PNN: variants seen among roughly 807,000 people sequenced by gnomAD.
The protein encoded by PNN is pinin.
Under a neutral mutation model 76.6 loss-of-function variants are expected in PNN, and 38 were observed. The ratio of observed to expected loss-of-function variants is 0.50; its 90% confidence interval spans 0.38 to 0.65. The LOEUF is 0.65. Ranked by LOEUF, PNN falls within the 30% of genes least tolerant of loss-of-function variation. The pLI, the probability that PNN is intolerant of heterozygous loss-of-function variation, is 0.00. For synonymous variants in PNN, 366 were observed against 283.7 expected (o/e 1.29, Z -2.91); for missense variants, 873 against 874.1 (o/e 1.00, Z 0.02).
chr14:39,178,818 ACCTCCG>A (rs2053249217), intron 6 of PNN, among the ~76,000 whole-genome samples: 1 of 151,616 alleles, frequency 6.6e-6, no homozygotes, highest in Non-Finnish European at 1.5e-5. Context: ...GCTCACTGCA[ACCTCCG>A]CCTCTGGGGT....
rs563918235 is a variant in PNN at position 39,180,657 on chromosome 14, G to T, written c.948G>T (p.Glu316Asp). 6.8e-6 allele frequency: 11 copies of T among 1,612,734 alleles called. No homozygotes were observed. The East Asian group carries it at 2.2e-4, about 33-fold the overall frequency. Residue 316 changes from glutamate (E) to aspartate (D), a missense_variant, in exon 9 of 9, where the codon GAG becomes GAT. Coordinates refer to ENST00000216832, the MANE Select transcript of PNN (RefSeq NM_002687.4). ...EQEEGKVAQR[E>D]EELEETGNQH... is the part of the protein sequence containing the mutation. ...AAGAGGGTAAGGTGGCTCAGCGAGA[G>T]GAAGAGTTGGAGGAGACAGGTAATC...
At chr14:39,175,741 G>A in intron 1 of PNN, 1 of 463,464 alleles carries the variant, frequency 2.2e-6, no homozygotes, top group South Asian at 2.4e-5. Context: ...CCCGTTGCTG[G>A]CCCCGAGACC....
rs1594556063 is a variant in PNN at position 39,179,541 on chromosome 14, A to G, written c.793+79A>G. The stretch of plus-strand genomic sequence containing the variant: ...TCATATGCACACGTTTGTTTTCTAA[A>G]ATAATTATGATTCAGTGATTGGTTT... On this transcript the variant is annotated intron_variant, in intron 8 of 8. Coordinates refer to ENST00000216832, the MANE Select transcript of PNN (RefSeq NM_002687.4). 8 of 1,191,116 alleles carry G rather than the reference A, an allele frequency of 6.7e-6. No homozygotes were observed. The East Asian group carries it at 1.7e-4, about 25-fold the overall frequency. The allele number at this position is 1,191,116 out of a possible 1,614,324, so 73.8% of individuals were successfully genotyped here.
rs759419035 is a variant in PNN at position 39,179,163 on chromosome 14, G to T, written c.571G>T (p.Glu191Ter). Residue 191 changes from glutamate to a stop codon, truncating the protein, a stop_gained, in exon 7 of 9, where the codon GAA (glutamate) becomes TAA (stop). Coordinates refer to ENST00000216832, the MANE Select transcript of PNN (RefSeq NM_002687.4). LOFTEE classifies it high-confidence loss of function. ...AGAAGAGAGAAAGCAGGTTGAAAAT[G>T]AAAGGAGAGAACTGTTTGAAGAGAG... ...AEEERKQVEN[E>*]RRELFEERRA... The T allele has an allele frequency of 6.2e-7, 1 of 1,614,058 alleles. No individual in the cohort carries two copies. The highest frequency in any genetic ancestry group is 1.1e-5 in the South Asian group (1 of 91,026).
Position 39,181,413 on chromosome 14 carries a change from TAAAAC to T in PNN, c.1707_1711del (p.Thr570GlnfsTer3), listed in dbSNP as rs2053269026. On this transcript the variant is annotated frameshift_variant, in exon 9 of 9. Coordinates refer to ENST00000216832, the MANE Select transcript of PNN (RefSeq NM_002687.4). LOFTEE classifies it high-confidence loss of function. ...GCAGAAGTAGAGGTCGAGCTAGAAA[TAAAAC>T]AAGCAAGAGTAGAAGTCGAAGCAGT... The T allele has an allele frequency of 2.5e-6, 4 of 1,613,898 alleles. No individual in the cohort carries two copies. Among genetic ancestry groups the T allele is most frequent in the Non-Finnish European group, 2.5e-6 (3 of 1,180,014 alleles).
intron 1 of PNN, 103 bp from the exon 2 acceptor site, chr14:39,175,975 C>T: frequency 6.0e-6 from 4 of 671,650 alleles, no homozygotes; most frequent in East Asian, 2.7e-5. Flanking sequence ...CTTTTTGGAA[C>T]TTTTGTGATT....
Position 39,180,525 on chromosome 14 carries a change from C to A in PNN, c.816C>A (p.Ile272=). The A allele has an allele frequency of 1.3e-6, 2 of 1,588,368 alleles. No individual in the cohort carries two copies. The highest frequency in any genetic ancestry group is 1.7e-6 in the Non-Finnish European group (2 of 1,170,120). The change falls in exon 9 of 9, where the codon ATC becomes ATA. Residue 272 remains isoleucine (I), a synonymous_variant. Coordinates refer to ENST00000216832, the MANE Select transcript of PNN (RefSeq NM_002687.4). ...TAGCTTTATTTGAAGGTAGACGCAT[C>A]GAATTTGCAGAACAAATAAATAAAA... ...KMNALFEGRR[I]EFAEQINKME...
rs762567964 is a variant in PNN, at chr14:39,181,904, A to G, written c.*41A>G. 1 of 1,516,318 alleles carries G rather than the reference A, an allele frequency of 6.6e-7. No homozygotes were observed. The highest frequency in any genetic ancestry group is 8.8e-7 in the Non-Finnish European group (1 of 1,140,706). The allele number at this position is 1,516,318 out of a possible 1,614,324, so 93.9% of individuals were successfully genotyped here. On this transcript the variant is annotated 3_prime_UTR_variant, in exon 9 of 9. Transcript: ENST00000216832. ...TTTCTTAGCCATTCTTTGCAGCAGA[A>G]GATTTCTTGATAAAAAAGGATTACC...
At chr14:39,177,984 T>TA (rs1357392155) in intron 6 of PNN, 68 bp downstream of exon 6, 9 of 974,774 alleles carry the variant, frequency 9.2e-6, no homozygotes, top group East Asian at 2.4e-5. Context: ...ATGTTTTTTT[T>TA]AAAAAATCCT....
intron 1 of PNN, chr14:39,175,649 C>A (rs781558176): frequency 1.9e-6 from 1 of 518,198 alleles, no homozygotes; most frequent in South Asian, 2.3e-5. Context: ...TGTGAGAAGA[C>A]CCGGACTGCT....
rs573326052 is a variant in PNN, at chr14:39,176,741, TTGAC to T, written c.254+150_254+153del. The T allele has an allele frequency of 8.4e-4, 532 of 634,054 alleles. 4 individuals carry two copies. Among genetic ancestry groups the T allele is most frequent in the African/African-American group, 7.9e-3 (423 of 53,480 alleles). The allele number at this position is 634,054 out of a possible 1,614,324, so 39.3% of individuals were successfully genotyped here. A position where few individuals can be genotyped will look rare whatever the true frequency, so the allele number is the denominator to read the frequency against. On this transcript the variant is annotated intron_variant, in intron 3 of 8. Transcript: ENST00000216832. ...TGCCCCCCCCAAGTTCTGTTGGTATTTGACTGAACAGTTGACTATCAGTTCCCTC... is the reference window on the plus strand; with the variant it reads ...TGCCCCCCCCAAGTTCTGTTGGTATTTGAACAGTTGACTATCAGTTCCCTC...
intron 6 of PNN, among the ~76,000 whole-genome samples, chr14:39,178,740 AAAAAAAT>A (rs1281010509): frequency 2.0e-5 from 3 of 150,870 alleles, no homozygotes; most frequent in Admixed American, 6.6e-5. Context: ...AAAAAAAAAA[AAAAAAAT>A]TTTTTTTGAG....
Position 39,183,019 on chromosome 14 carries a change from A to C in PNN, c.*1156A>C, listed in dbSNP as rs1329560005. ...AGCACTTAAATTGCATCCTTCTTTG[A>C]GTTTAACACTGTAGCTTTAGCCTTG... On this transcript the variant is annotated 3_prime_UTR_variant, in exon 9 of 9. Transcript: ENST00000216832. The C allele has an allele frequency of 6.6e-6, 1 of 152,594 alleles. No homozygotes were observed. The highest frequency in any genetic ancestry group is 2.4e-5 in the African/African-American group (1 of 41,430). 9.5% of individuals were successfully genotyped at this position (152,594 alleles called of 1,614,324 possible). A position where few individuals can be genotyped will look rare whatever the true frequency, so the allele number is the denominator to read the frequency against.
At chr14:39,180,428 G>C in intron 8 of PNN, 75 bp from the exon 9 acceptor site, 1 of 1,420,388 alleles carries the variant, frequency 7.0e-7, no homozygotes, top group Non-Finnish European at 9.3e-7. Flanking sequence ...ATGACAATTT[G>C]TGACCAGTTA....
chr14:39,181,650 A>G lies in PNN; in HGVS notation c.1941A>G (p.Arg647=). 1 of 1,614,092 alleles carries G rather than the reference A, an allele frequency of 6.2e-7. No individual in the cohort carries two copies. Among genetic ancestry groups the G allele is most frequent in the Non-Finnish European group, 8.5e-7 (1 of 1,179,976 alleles). The part of the protein sequence containing the change: ...GRGHNRDRKH[R]RSVDRKRRDT... Reference sequence around the variant, plus strand: ...GACATAATAGAGATAGAAAGCACAGAAGGAGCGTGGATCGGAAGAGAAGGG... The same window carrying G: ...GACATAATAGAGATAGAAAGCACAGGAGGAGCGTGGATCGGAAGAGAAGGG... The change falls in exon 9 of 9, where the codon AGA becomes AGG. Residue 647 remains arginine, a synonymous_variant. Coordinates refer to ENST00000216832, the MANE Select transcript of PNN (RefSeq NM_002687.4).
Position 39,181,767 on chromosome 14 carries a change from C to A in PNN, c.2058C>A (p.Asp686Glu), listed in dbSNP as rs1334467968. The A allele has an allele frequency of 6.2e-7, 1 of 1,613,924 alleles. No homozygotes were observed. Among genetic ancestry groups the A allele is most frequent in the African/African-American group, 1.3e-5 (1 of 74,914 alleles). Residue 686 changes from aspartate (D) to glutamate (E), a missense_variant, in exon 9 of 9, where the codon GAC becomes GAA. This residue lies in a region of PNN where 712 missense variants were observed against 693.1 expected (regional missense o/e 1.03). Transcript: ENST00000216832. ...CAAAGGATAAGAATTCCCGGTCCGA[C>A]AGAAAGAGGTCTATATCAGAGAGTA... The part of the protein sequence containing the change: ...KGSKDKNSRS[D>E]RKRSISESSR...
At chr14:39,178,141 T>G (rs953453961) in intron 6 of PNN, among the ~76,000 whole-genome samples, 1 of 151,070 alleles carries the variant, frequency 6.6e-6, no homozygotes, top group Non-Finnish European at 1.5e-5. Context: ...AATTTAGATA[T>G]GTGAAAAAAA....
intron 6 of PNN, among the ~76,000 whole-genome samples, chr14:39,178,342 G>A (rs2053244871): frequency 6.6e-6 from 1 of 152,032 alleles, no homozygotes. Context: ...GACCAGCCTG[G>A]CCAACATGGT....
intron 2 of PNN, 121 bp downstream of exon 2, chr14:39,176,270 ATGT>A: frequency 1.5e-6 from 1 of 677,406 alleles, no homozygotes; most frequent in Non-Finnish European, 2.6e-6. Flanking sequence ...GTTTTGTTTA[ATGT>A]TGTAATAGAC....
Sources: gnomAD v4.1 joint callset for allele counts (sites outside exome capture counted in the v4.1 genomes callset) on GRCh38, gnomAD v4.1.1 for gene constraint, gnomAD v4.1.1 regional missense constraint, MANE v1.5 for transcripts, NCBI Gene and HGNC (gene_info 2026-07-23, HGNC 2026-07-21) for gene names.